Variants in MOSMO observed in about 807,000 individuals in gnomAD.
MOSMO encodes the protein modulator of smoothened, also known as modulator of smoothened protein.
In MOSMO, 5 loss-of-function variants were observed where a neutral mutation model predicts 18.4. That is an observed-to-expected ratio of 0.27 (90% CI 0.14 to 0.57). The LOEUF (loss-of-function observed/expected upper bound fraction) is 0.57, where lower values mean the gene tolerates loss of function less well. Among genes scored for constraint, MOSMO ranks in the 20% least tolerant of loss-of-function variants. The probability of loss-of-function intolerance (pLI) is 0.92; values close to 1 mark genes in which losing one functional copy is unlikely to be tolerated. For missense variants in MOSMO, 138 were observed against 211.8 expected (o/e 0.65, Z 2.16); for synonymous variants, 82 against 82.3 (o/e 1.00, Z 0.02).
intron 1 of MOSMO, among the ~76,000 whole-genome samples, chr16:22,011,865 G>C (rs1899536357): frequency 6.8e-6 from 1 of 147,420 alleles, no homozygotes; most frequent in African/African-American, 2.5e-5. Flanking sequence ...ATGTTCCTTG[G>C]TTTACCGTTG....
intron 1 of MOSMO, among the ~76,000 whole-genome samples, chr16:22,020,899 A>C (rs1899748075): frequency 6.6e-6 from 1 of 152,186 alleles, no homozygotes; most frequent in Non-Finnish European, 1.5e-5. Flanking sequence ...ATATGTCAAC[A>C]GTGTTTTGGG....
intron 1 of MOSMO, among the ~76,000 whole-genome samples, chr16:22,063,542 A>T (rs1427060124): frequency 6.6e-6 from 1 of 152,206 alleles, no homozygotes; most frequent in Non-Finnish European, 1.5e-5. Flanking sequence ...TTCCTTGGAG[A>T]TAGGATAAGA....
rs1900251161 is a variant in MOSMO, at chr16:22,043,617, A to G, written c.107-31870A>G. ...ACTAACATACTATACTTTTCCATCC[A>G]GAGAAATGCAAAATTATACCTTGAT... On this transcript the variant is annotated intron_variant, in intron 1 of 2. Transcript: ENST00000542527. 2.0e-5 allele frequency among the ~76,000 whole-genome samples: 3 copies of G among 152,224 alleles called. No homozygotes were observed. In the South Asian group the frequency reaches 6.2e-4, roughly 31 times the overall value.
intron 1 of MOSMO, among the ~76,000 whole-genome samples, chr16:22,074,219 G>C (rs769272221): frequency 6.6e-6 from 1 of 152,126 alleles, no homozygotes; most frequent in Non-Finnish European, 1.5e-5. Context: ...ACATTTGTTC[G>C]TGGCAAGTGC....
downstream of MOSMO, among the ~76,000 whole-genome samples, chr16:22,089,020 A>G (rs1901241628): frequency 6.6e-6 from 1 of 151,678 alleles, no homozygotes; most frequent in Non-Finnish European, 1.5e-5. Context: ...AAAAAAAGTA[A>G]GAAAAACCTC....
chr16:22,063,507 G>A (rs1900690788), intron 1 of MOSMO, among the ~76,000 whole-genome samples: 1 of 152,226 alleles, frequency 6.6e-6, no homozygotes, highest in South Asian at 2.1e-4. Context: ...TTTGATGTCT[G>A]AGAGTAGACT....
At chr16:22,084,984 A>G (rs1901144482), downstream of MOSMO, 1 of 152,322 alleles carries the variant, frequency 6.6e-6, no homozygotes, top group Admixed American at 6.5e-5. Flanking sequence ...CAAGCCAACT[A>G]TCTTTCTATT....
intron 1 of MOSMO, among the ~76,000 whole-genome samples, chr16:22,050,879 T>A (rs1900409251): frequency 1.6e-5 from 2 of 126,712 alleles, no homozygotes; most frequent in Non-Finnish European, 1.8e-5. Context: ...TGAGACTCTG[T>A]CTCTTAAGAA....
At chr16:22,092,302 A>G, downstream of MOSMO, 1 of 271,336 alleles carries the variant, frequency 3.7e-6, no homozygotes, top group South Asian at 4.5e-5. Flanking sequence ...GGCCTAAACC[A>G]TAGTTCTGTG....
At chr16:22,048,239 C>A (rs372522710) in intron 1 of MOSMO, among the ~76,000 whole-genome samples, 6 of 152,150 alleles carry the variant, frequency 3.9e-5, no homozygotes, top group East Asian at 3.8e-4. Flanking sequence ...ATCCGTACAT[C>A]TGTAAAATGG....
At chr16:22,064,020 A>G (rs932449863) in intron 1 of MOSMO, among the ~76,000 whole-genome samples, 3 of 152,308 alleles carry the variant, frequency 2.0e-5, no homozygotes, top group Non-Finnish European at 4.4e-5. Context: ...TGGATTAATC[A>G]TCTAATCTCT....
chr16:22,013,357 TAAATG>T (rs1465578117), intron 1 of MOSMO, among the ~76,000 whole-genome samples: 1 of 152,286 alleles, frequency 6.6e-6, no homozygotes, highest in Non-Finnish European at 1.5e-5. Flanking sequence ...TTACTTATCT[TAAATG>T]AAATTAAAAT....
intron 1 of MOSMO, among the ~76,000 whole-genome samples, chr16:22,059,060 G>A (rs1261497063): frequency 6.6e-6 from 1 of 152,152 alleles, no homozygotes; most frequent in Non-Finnish European, 1.5e-5. Flanking sequence ...TTGTGATGTA[G>A]TAACCCTCTC....
chr16:22,060,671 A>G (rs562830083), intron 1 of MOSMO, among the ~76,000 whole-genome samples: 41 of 152,254 alleles, frequency 2.7e-4, no homozygotes, highest in Admixed American at 2.6e-3. Flanking sequence ...TCAGGAGTTC[A>G]AGACTAGTCT....
chr16:22,086,586 CTTAGTAAA>C (rs1317314306), downstream of MOSMO, among the ~76,000 whole-genome samples: 4 of 152,150 alleles, frequency 2.6e-5, no homozygotes, highest in African/African-American at 7.2e-5. Context: ...TTGTGTGACC[CTTAGTAAA>C]TCATGTAACT....
chr16:22,071,311 G>A (rs1168509162), intron 1 of MOSMO, among the ~76,000 whole-genome samples: 5 of 152,174 alleles, frequency 3.3e-5, no homozygotes, highest in Non-Finnish European at 7.4e-5. Context: ...TGTTAACTTC[G>A]CTATTTTTGC....
At chr16:22,061,895 C>A (rs1900651831) in intron 1 of MOSMO, among the ~76,000 whole-genome samples, 1 of 152,204 alleles carries the variant, frequency 6.6e-6, no homozygotes, top group Admixed American at 6.5e-5. Context: ...TATCACCTTA[C>A]ATTTTTAATC....
At position 22,008,473 on chromosome 16, in the gene MOSMO, C is replaced by T. The variant is rs887739547; in HGVS notation, c.106+66C>T. ...AGGGCGACGCGAGAGAGGGGAGACC[C>T]GGACTGAGGAGAGGACGGGGTGGAG... On this transcript the variant is annotated intron_variant, in intron 1 of 2. Coordinates refer to ENST00000542527, the MANE Select transcript of MOSMO (RefSeq NM_001164579.2). 69 of 1,164,266 alleles carry T rather than the reference C, an allele frequency of 5.9e-5. 1 individual carries two copies. Among genetic ancestry groups the T allele is most frequent in the Admixed American group, 2.8e-4 (13 of 47,096 alleles). 72.1% of individuals were successfully genotyped at this position (1,164,266 alleles called of 1,614,324 possible).
In MOSMO at chr16:22,010,042, G is replaced by A. The variant is rs1480307136; in HGVS notation, c.106+1635G>A. Among the ~76,000 whole-genome samples, 4 of 151,974 alleles carry A rather than the reference G, an allele frequency of 2.6e-5. No homozygotes were observed. In the South Asian group the frequency reaches 6.2e-4, roughly 24 times the overall value. ...TGTGCTGTCAAAACTTAATTTTTAAGTATTACTTATGGTTCTGTATTTATC... is the reference window on the plus strand; with the variant it reads ...TGTGCTGTCAAAACTTAATTTTTAAATATTACTTATGGTTCTGTATTTATC... On this transcript the variant is annotated intron_variant, in intron 1 of 2. Transcript: ENST00000542527.
Sources: allele counts gnomAD v4.1 joint callset (sites outside exome capture counted in the v4.1 genomes callset), GRCh38; gene constraint gnomAD v4.1.1; transcripts MANE v1.5; gene names NCBI Gene and HGNC (gene_info 2026-07-23, HGNC 2026-07-21).